ROBO1: variants seen among roughly 807,000 people sequenced by gnomAD.
The protein encoded by ROBO1 is roundabout guidance receptor 1, also known as roundabout homolog 1.
Under a neutral mutation model 195.9 loss-of-function variants are expected in ROBO1, and 149 were observed. The observed-to-expected ratio is 0.76, with a 90% CI of 0.67 to 0.87. The LOEUF is 0.87. Ranked by LOEUF, ROBO1 falls within the 40% of genes least tolerant of loss-of-function variation. The pLI is 0.00. For missense variants in ROBO1, 1,933 were observed against 2,068.3 expected, an observed-to-expected ratio of 0.93 and a Z score of 1.27; for synonymous variants, 816 against 733.2, an observed-to-expected ratio of 1.11 and a Z score of -1.82.
At chr3:79,334,799 T>C (rs1223134277) in intron 2 of ROBO1, among the ~76,000 whole-genome samples, 1 of 152,034 alleles carries the variant, frequency 6.6e-6, no homozygotes, top group Non-Finnish European at 1.5e-5. Context: ...GATCTGCTTT[T>C]ATAAGTTAAA....
intron 2 of ROBO1, among the ~76,000 whole-genome samples, chr3:79,335,465 A>AGGTCTCG (rs2034627829): frequency 6.6e-6 from 1 of 152,042 alleles, no homozygotes; most frequent in African/African-American, 2.4e-5. Context: ...ATAGTAACTG[A>AGGTCTCG]GGTCTCGTGT....
At chr3:78,829,790 G>T (rs1394662116) in intron 4 of ROBO1, among the ~76,000 whole-genome samples, 2 of 152,118 alleles carry the variant, frequency 1.3e-5, no homozygotes, top group East Asian at 3.9e-4. Context: ...TTAGAAGTTG[G>T]TTGTGTGACT....
chr3:79,738,458 A>C (rs1048931651), intron 1 of ROBO1, among the ~76,000 whole-genome samples: 1 of 152,162 alleles, frequency 6.6e-6, no homozygotes, highest in African/African-American at 2.4e-5. Context: ...ACATTTTCTG[A>C]TCAGTCATGC....
At chr3:79,088,495 A>G (rs953326431) in intron 3 of ROBO1, among the ~76,000 whole-genome samples, 1 of 152,156 alleles carries the variant, frequency 6.6e-6, no homozygotes, top group Non-Finnish European at 1.5e-5. Flanking sequence ...TAAATTGTAT[A>G]TACCGGATTG....
chr3:79,255,134 A>G (rs1463348060), intron 2 of ROBO1, among the ~76,000 whole-genome samples: 1 of 152,196 alleles, frequency 6.6e-6, no homozygotes, highest in Non-Finnish European at 1.5e-5. Flanking sequence ...CATTATCCAT[A>G]TAAAGCCAGG....
intron 2 of ROBO1, among the ~76,000 whole-genome samples, chr3:79,529,119 C>A (rs1941548034): frequency 6.6e-6 from 1 of 152,250 alleles, no homozygotes; most frequent in East Asian, 1.9e-4. Context: ...CTACTAGTTA[C>A]AAACAATAAT....
chr3:78,694,923 A>C (rs1376904536), intron 8 of ROBO1, among the ~76,000 whole-genome samples: 1 of 152,122 alleles, frequency 6.6e-6, no homozygotes, highest in Non-Finnish European at 1.5e-5. Flanking sequence ...ATTCCTAAAT[A>C]TTTTCACGTA....
chr3:78,732,288 ATCCATGGACC>A (rs2082302507), intron 5 of ROBO1, among the ~76,000 whole-genome samples: 1 of 152,122 alleles, frequency 6.6e-6, no homozygotes, highest in African/African-American at 2.4e-5. Flanking sequence ...AATAGGTGCT[ATCCATGGACC>A]TCCTTAAGCA....
chr3:79,418,190 C>T (rs1364671414), intron 2 of ROBO1, among the ~76,000 whole-genome samples: 1 of 152,106 alleles, frequency 6.6e-6, no homozygotes, highest in Non-Finnish European at 1.5e-5. Context: ...ATCTCTGGTA[C>T]CTGCACTGGC....
chr3:78,657,283 A>T lies in ROBO1; in HGVS notation c.2443-14T>A, dbSNP rs1353017962. 6.2e-7 allele frequency: 1 copy of T among 1,612,208 alleles called. No homozygotes were observed. The highest frequency in any genetic ancestry group is 1.7e-5 in the Admixed American group (1 of 59,810). ...CAGACACCAAACCTGTAAGAAGCAC[A>T]TCACAAAAATCAAGCTGGTAAATTA... On this transcript the variant is annotated splice_polypyrimidine_tract_variant and intron_variant, in intron 17 of 30. Coordinates refer to ENST00000464233, the MANE Select transcript of ROBO1 (RefSeq NM_002941.4).
At position 78,636,119 on chromosome 3, in the gene ROBO1, T is replaced by C. The variant is rs377688788; in HGVS notation, c.3038-11A>G. On this transcript the variant is annotated splice_polypyrimidine_tract_variant and intron_variant, in intron 22 of 30. Coordinates refer to ENST00000464233, the MANE Select transcript of ROBO1 (RefSeq NM_002941.4). Reference sequence around the variant, plus strand: ...TTGCTATACAATCAGCTATGTGCAATGGAGAGGAAAAGGAAAAAATCATTC... The same window carrying C: ...TTGCTATACAATCAGCTATGTGCAACGGAGAGGAAAAGGAAAAAATCATTC... 35 of 1,574,452 alleles carry C rather than the reference T, an allele frequency of 2.2e-5. No homozygotes were observed. Among genetic ancestry groups the C allele is most frequent in the Non-Finnish European group, 2.9e-5 (33 of 1,153,576 alleles).
At chr3:78,663,023 G>A in intron 14 of ROBO1, among the ~76,000 whole-genome samples, 1 of 151,934 alleles carries the variant, frequency 6.6e-6, no homozygotes, top group East Asian at 1.9e-4. Flanking sequence ...ATGTTTTTTG[G>A]ACTTCAGAAT....
At chr3:78,736,106 G>A (rs1375439976) in intron 5 of ROBO1, among the ~76,000 whole-genome samples, 1 of 152,060 alleles carries the variant, frequency 6.6e-6, no homozygotes, top group East Asian at 1.9e-4. Flanking sequence ...AAGAAATGGT[G>A]TGGATGATAC....
intron 1 of ROBO1, among the ~76,000 whole-genome samples, chr3:79,602,825 T>G (rs1344727072): frequency 1.3e-5 from 2 of 152,010 alleles, no homozygotes; most frequent in Non-Finnish European, 2.9e-5. Context: ...CTGTAGAAAT[T>G]CCAGGCAGTT....
chr3:78,680,501 C>T (rs2107788999), intron 10 of ROBO1, among the ~76,000 whole-genome samples: 1 of 152,108 alleles, frequency 6.6e-6, no homozygotes, highest in Non-Finnish European at 1.5e-5. Flanking sequence ...AAACAAACAA[C>T]CCCATCAAAA....
Position 79,490,650 on chromosome 3 carries a change from C to A in ROBO1, c.88+99174G>T, listed in dbSNP as rs1421664093. Among the ~76,000 whole-genome samples, 3 of 152,176 alleles carry A rather than the reference C, an allele frequency of 2.0e-5. No homozygotes were observed. In the East Asian group the frequency reaches 5.8e-4, roughly 29 times the overall value. ...TAGGCAATTTCGAAGTGTTGCTTGG[C>A]AGGCCTCCCAGGAGAAAGTTGCCTT... On this transcript the variant is annotated intron_variant, in intron 2 of 30. Transcript: ENST00000464233.
chr3:79,109,975 C>T (rs1218670685), intron 3 of ROBO1, among the ~76,000 whole-genome samples: 2 of 152,074 alleles, frequency 1.3e-5, no homozygotes, highest in Non-Finnish European at 2.9e-5. Flanking sequence ...ATTAATAATA[C>T]ATGAAGCTTA....
intron 1 of ROBO1, among the ~76,000 whole-genome samples, chr3:79,661,571 AT>A (rs1311558242): frequency 6.9e-6 from 1 of 144,068 alleles, no homozygotes; most frequent in African/African-American, 2.6e-5. Context: ...CTTTGCTAGC[AT>A]TTTTCTTTGT....
intron 1 of ROBO1, among the ~76,000 whole-genome samples, chr3:79,763,264 A>G (rs1704810345): frequency 6.6e-6 from 1 of 152,190 alleles, no homozygotes; most frequent in Admixed American, 6.5e-5. Flanking sequence ...TAATAAGGGC[A>G]AAATGCAGAA....
Sources: allele counts gnomAD v4.1 joint callset (sites outside exome capture counted in the v4.1 genomes callset), GRCh38; gene constraint gnomAD v4.1.1; transcripts MANE v1.5; gene names NCBI Gene and HGNC (gene_info 2026-07-23, HGNC 2026-07-21).